The following NELL2 variants were observed in gnomAD, a reference collection of about 807,000 sequenced individuals.
NELL2 encodes the protein neural EGFL like 2, also known as protein kinase C-binding protein NELL2.
Under a neutral mutation model 109.6 loss-of-function variants are expected in NELL2, and 41 were observed. That is an observed-to-expected ratio of 0.37 (90% CI 0.29 to 0.49). The LOEUF (loss-of-function observed/expected upper bound fraction) is 0.49, where lower values mean the gene tolerates loss of function less well. Ranked by LOEUF, NELL2 falls within the 20% of genes least tolerant of loss-of-function variation. The pLI is 0.98. For missense variants in NELL2, 900 were observed against 1,008.3 expected (o/e 0.89, Z 1.45); for synonymous variants, 355 against 344.7 (o/e 1.03, Z -0.33).
intron 12 of NELL2, among the ~76,000 whole-genome samples, chr12:44,686,697 G>C (rs998236858): frequency 3.3e-5 from 5 of 151,974 alleles, no homozygotes; most frequent in Non-Finnish European, 7.3e-5. Context: ...GTCTGCCCCT[G>C]CTGGGGGGTG....
intron 13 of NELL2, among the ~76,000 whole-genome samples, chr12:44,614,896 G>T (rs990607516): frequency 1.3e-5 from 2 of 151,984 alleles, no homozygotes; most frequent in African/African-American, 4.8e-5. Flanking sequence ...AATATAAAAT[G>T]CAAATACTTC....
At chr12:44,887,660 T>C (rs1205276800) in intron 1 of NELL2, among the ~76,000 whole-genome samples, 1 of 139,404 alleles carries the variant, frequency 7.2e-6, no homozygotes, top group East Asian at 2.0e-4. Flanking sequence ...GTGTGTGTGT[T>C]GTTGTTGTTG....
At chr12:44,713,483 G>C (rs1252251990) in intron 10 of NELL2, among the ~76,000 whole-genome samples, 1 of 151,856 alleles carries the variant, frequency 6.6e-6, no homozygotes. Flanking sequence ...CATTGGTGTA[G>C]GGAGGCTGAT....
chr12:44,638,764 G>A (rs911041677), intron 13 of NELL2, among the ~76,000 whole-genome samples: 1 of 152,180 alleles, frequency 6.6e-6, no homozygotes, highest in Non-Finnish European at 1.5e-5. Context: ...TTGTTCAACA[G>A]CATCTTTGTC....
chr12:44,652,969 T>A (rs1947354692), intron 13 of NELL2, among the ~76,000 whole-genome samples: 1 of 152,212 alleles, frequency 6.6e-6, no homozygotes, highest in African/African-American at 2.4e-5. Context: ...TTAAGTTTCT[T>A]CTAAGGACTC....
rs139619976 is a variant in NELL2 at position 44,776,046 on chromosome 12, G to A, written c.867C>T (p.Asp289=). The change falls in exon 8 of 20, where the codon GAC becomes GAT. Residue 289 remains aspartate (D), a synonymous_variant. Transcript: ENST00000429094. Reference sequence around the variant, plus strand: ...CCAGGCATGTGCAGTTCTTACAGCCGTCTATCCAGGACTCAAATTCTCGGT... The same window carrying A: ...CCAGGCATGTGCAGTTCTTACAGCCATCTATCCAGGACTCAAATTCTCGGT... ...TTYREFESWI[D]GCKNCTCLNG... is the part of the protein sequence containing the mutation. 88 of 1,613,702 alleles carry A rather than the reference G, an allele frequency of 5.5e-5. No homozygotes were observed. The East Asian group carries it at 9.1e-4, about 17-fold the overall frequency.
At chr12:44,742,761 A>G (rs562662768) in intron 9 of NELL2, among the ~76,000 whole-genome samples, 44 of 152,306 alleles carry the variant, frequency 2.9e-4, no homozygotes, top group Non-Finnish European at 4.9e-4. Flanking sequence ...AAAAAAGAAT[A>G]AAAAGAAATG....
chr12:44,734,007 T>C (rs1939508346), intron 9 of NELL2, among the ~76,000 whole-genome samples: 5 of 152,036 alleles, frequency 3.3e-5, no homozygotes, highest in Admixed American at 2.6e-4. Context: ...GGTCTAAATA[T>C]GTTTATTAGG....
chr12:44,525,184 G>C (rs1342894046), intron 16 of NELL2, among the ~76,000 whole-genome samples: 1 of 152,102 alleles, frequency 6.6e-6, no homozygotes. Flanking sequence ...ATTTTATTTT[G>C]CTTGACACTT....
At chr12:44,695,739 G>A (rs1949043354) in intron 12 of NELL2, among the ~76,000 whole-genome samples, 1 of 152,150 alleles carries the variant, frequency 6.6e-6, no homozygotes, top group African/African-American at 2.4e-5. Context: ...TCATAGGACT[G>A]TTGGAGGAAA....
intron 3 of NELL2, among the ~76,000 whole-genome samples, chr12:44,801,323 T>C (rs1260601275): frequency 6.6e-6 from 1 of 152,136 alleles, no homozygotes; most frequent in Non-Finnish European, 1.5e-5. Flanking sequence ...TTCTGGCTTT[T>C]TAGCCAGTTT....
At chr12:44,588,340 G>C (rs146631638) in intron 15 of NELL2, among the ~76,000 whole-genome samples, 1 of 152,218 alleles carries the variant, frequency 6.6e-6, no homozygotes, top group East Asian at 1.9e-4. Flanking sequence ...GAGGCAGCCT[G>C]AGCCATCAGG....
intron 2 of NELL2, among the ~76,000 whole-genome samples, chr12:44,834,033 T>C (rs1466848141): frequency 6.6e-6 from 1 of 152,220 alleles, no homozygotes; most frequent in Non-Finnish European, 1.5e-5. Context: ...CTTTCTGGCA[T>C]TTGGATGATA....
At chr12:44,887,704 G>C (rs942775786) in intron 1 of NELL2, among the ~76,000 whole-genome samples, 17 of 151,464 alleles carry the variant, frequency 1.1e-4, no homozygotes, top group Non-Finnish European at 1.5e-4. Context: ...CTATTGAGTT[G>C]TTTGAGCTCC....
In NELL2 at chr12:44,869,663, T is replaced by C. The variant is rs796419034; in HGVS notation, c.184+5562A>G. 5.9e-5 allele frequency among the ~76,000 whole-genome samples: 9 copies of C among 152,276 alleles called. No homozygotes were observed. In the South Asian group the frequency reaches 1.5e-3, roughly 25 times the overall value. Reference sequence around the variant, plus strand: ...TCTCTATTTGTGACCTCTGCTGAAATGGTTGAGGGGATCTATGAGTCATAT... The same window carrying C: ...TCTCTATTTGTGACCTCTGCTGAAACGGTTGAGGGGATCTATGAGTCATAT... On this transcript the variant is annotated intron_variant, in intron 2 of 19. Coordinates refer to ENST00000429094, the MANE Select transcript of NELL2 (RefSeq NM_001145108.2).
chr12:44,892,529 G>A (rs1455528623), intron 1 of NELL2, among the ~76,000 whole-genome samples: 2 of 151,748 alleles, frequency 1.3e-5, no homozygotes, highest in African/African-American at 2.4e-5. Flanking sequence ...TGGGCGCAGT[G>A]GCTCATGCCT....
chr12:44,608,911 T>A (rs1347565245), intron 14 of NELL2, among the ~76,000 whole-genome samples: 1 of 149,906 alleles, frequency 6.7e-6, no homozygotes, highest in Non-Finnish European at 1.5e-5. Flanking sequence ...TATACATATA[T>A]ATATGTATAT....
In NELL2 at chr12:44,621,835, CTG is replaced by C. The variant is rs1946072283; in HGVS notation, c.1445-10867_1445-10866del. Among the ~76,000 whole-genome samples, 6 of 152,164 alleles carry C rather than the reference CTG, an allele frequency of 3.9e-5. No individual in the cohort carries two copies. The South Asian group carries it at 1.2e-3, about 32-fold the overall frequency. Reference sequence around the variant, plus strand: ...GGAGTTTAGATCTATAGATAAGGGACTGTGGATATGCATGCCTTTCATAGAGT... The same window carrying C: ...GGAGTTTAGATCTATAGATAAGGGACTGGATATGCATGCCTTTCATAGAGT... On this transcript the variant is annotated intron_variant, in intron 13 of 19. Coordinates refer to ENST00000429094, the MANE Select transcript of NELL2 (RefSeq NM_001145108.2).
intron 13 of NELL2, among the ~76,000 whole-genome samples, chr12:44,616,456 A>G (rs1189189401): frequency 6.6e-6 from 1 of 152,118 alleles, no homozygotes; most frequent in Non-Finnish European, 1.5e-5. Flanking sequence ...CCCTAAACAT[A>G]GTGACAACCA....
Sources: gnomAD v4.1 joint callset for allele counts (sites outside exome capture counted in the v4.1 genomes callset) on GRCh38, gnomAD v4.1.1 for gene constraint, MANE v1.5 for transcripts, NCBI Gene and HGNC (gene_info 2026-07-23, HGNC 2026-07-21) for gene names.